The following HAVCR1 variants were observed in gnomAD, a reference collection of about 807,000 sequenced individuals.
The protein encoded by HAVCR1 is T cell immunoglobin domain and mucin domain protein 1.
A neutral mutation model predicts 32.0 loss-of-function variants in HAVCR1; 34 were observed. The observed-to-expected ratio is 1.06, with a 90% CI of 0.81 to 1.42. The LOEUF is 1.42. Among genes scored for constraint, HAVCR1 ranks in the 40% most tolerant of loss-of-function variants. The probability of loss-of-function intolerance (pLI) is 0.00; values close to 1 mark genes in which losing one functional copy is unlikely to be tolerated. For missense variants in HAVCR1, 420 were observed against 442.3 expected (o/e 0.95, Z 0.45); for synonymous variants, 178 against 170.3 (o/e 1.05, Z -0.35).
intron 5 of HAVCR1, among the ~76,000 whole-genome samples, chr5:157,043,590 C>A (rs932710754): frequency 2.0e-5 from 3 of 152,166 alleles, no homozygotes; most frequent in Non-Finnish European, 4.4e-5. Context: ...AATCCCTGAA[C>A]CTTGGAGGCA....
At chr5:157,045,910 T>C (rs1024751954) in intron 5 of HAVCR1, among the ~76,000 whole-genome samples, 3 of 152,166 alleles carry the variant, frequency 2.0e-5, no homozygotes, top group African/African-American at 4.8e-5. Flanking sequence ...TTCACTGACA[T>C]AGTATTTCGG....
At position 157,052,499 on chromosome 5, in the gene HAVCR1, G is replaced by C; in HGVS notation, c.535C>G (p.Leu179Val). ...TMSIPTTTTVLTTMTVSTTTS... is the reference protein window; with the variant it reads ...TMSIPTTTTVVTTMTVSTTTS... ...GTCGTTGAAACAGTCATTGTCGTCA[G>C]AACAGTCGTTGTCGTTGGAATGCTC... Residue 179 changes from leucine to valine, a missense_variant, in exon 4 of 9, where the codon CTG becomes GTG. Physicochemically the swap from Leu to Val is conservative, Grantham distance 32. Transcript: ENST00000523175. The C allele has an allele frequency of 1.9e-6, 3 of 1,600,870 alleles. No individual in the cohort carries two copies. Among genetic ancestry groups the C allele is most frequent in the Non-Finnish European group, 2.6e-6 (3 of 1,171,596 alleles).
intron 4 of HAVCR1, among the ~76,000 whole-genome samples, chr5:157,051,780 T>C (rs1755755041): frequency 6.6e-6 from 1 of 152,228 alleles, no homozygotes; most frequent in African/African-American, 2.4e-5. Flanking sequence ...GGCTTCTATC[T>C]GTGTAACTTT....
chr5:157,068,349 C>T, the HAVCR1 span, among the ~76,000 whole-genome samples: 2 of 151,924 alleles, frequency 1.3e-5, no homozygotes, highest in East Asian at 1.9e-4. Context: ...TTTGGGAGGC[C>T]GATGCAAGTG....
intron 5 of HAVCR1, among the ~76,000 whole-genome samples, chr5:157,045,298 A>G (rs1327261901): frequency 6.6e-6 from 1 of 152,196 alleles, no homozygotes; most frequent in Non-Finnish European, 1.5e-5. Context: ...ACTACTATAT[A>G]TATATTTCTA....
chr5:157,060,278 G>A (rs542064941), upstream of HAVCR1, among the ~76,000 whole-genome samples: 1 of 151,916 alleles, frequency 6.6e-6, no homozygotes, highest in Non-Finnish European at 1.5e-5. Flanking sequence ...CTGAAGCCCT[G>A]GTGGTCTGGC....
chr5:157,033,326 C>G (rs1447114328), intron 7 of HAVCR1, among the ~76,000 whole-genome samples: 4 of 152,048 alleles, frequency 2.6e-5, no homozygotes, highest in African/African-American at 9.7e-5. Context: ...CTCTCCTAAA[C>G]AAGGAAATAA....
chr5:157,032,284 C>T (rs1003448276), intron 8 of HAVCR1, among the ~76,000 whole-genome samples: 15 of 151,902 alleles, frequency 9.9e-5, no homozygotes, highest in African/African-American at 2.4e-4. Flanking sequence ...TTTGGGAGGC[C>T]GAGGCAGGCA....
chr5:157,061,269 A>G (rs1356476656), upstream of HAVCR1, among the ~76,000 whole-genome samples: 1 of 152,140 alleles, frequency 6.6e-6, no homozygotes, highest in African/African-American at 2.4e-5. Flanking sequence ...GTCTTCGGGG[A>G]GTTGAGATGG....
intron 7 of HAVCR1, among the ~76,000 whole-genome samples, chr5:157,034,910 G>A (rs964829790): frequency 1.3e-5 from 2 of 152,056 alleles, no homozygotes; most frequent in African/African-American, 4.8e-5. Context: ...TCTTAGTACA[G>A]AACAAACTGG....
intron 3 of HAVCR1, 117 bp from the exon 4 acceptor site, chr5:157,052,771 C>G: frequency 1.2e-6 from 1 of 852,404 alleles, no homozygotes; most frequent in Non-Finnish European, 1.9e-6. Flanking sequence ...AGTTAACTTC[C>G]TGAACTGTCA....
At chr5:157,050,410 G>T (rs929976766) in intron 4 of HAVCR1, among the ~76,000 whole-genome samples, 1 of 152,182 alleles carries the variant, frequency 6.6e-6, no homozygotes, top group Non-Finnish European at 1.5e-5. Flanking sequence ...GCAGCAAGCA[G>T]GTACTAGGGG....
chr5:157,041,183 T>C (rs2113530940), intron 6 of HAVCR1, among the ~76,000 whole-genome samples: 1 of 152,260 alleles, frequency 6.6e-6, no homozygotes, highest in East Asian at 1.9e-4. Flanking sequence ...AAAGTTATTA[T>C]CTAGGACTTT....
chr5:157,045,292 C>CTA (rs1329156291), intron 5 of HAVCR1, among the ~76,000 whole-genome samples: 2 of 151,976 alleles, frequency 1.3e-5, no homozygotes, highest in Non-Finnish European at 2.9e-5. Flanking sequence ...GGGAAAACTA[C>CTA]TATATATATA....
chr5:157,030,722 C>T (rs984422742), intron 8 of HAVCR1, among the ~76,000 whole-genome samples: 1 of 152,204 alleles, frequency 6.6e-6, no homozygotes, highest in Non-Finnish European at 1.5e-5. Context: ...TTACGTGTAG[C>T]ATTTTGATGT....
chr5:157,036,534 T>A (rs1385078935), intron 7 of HAVCR1, among the ~76,000 whole-genome samples: 1 of 152,120 alleles, frequency 6.6e-6, no homozygotes, highest in Non-Finnish European at 1.5e-5. Flanking sequence ...AATTGAAAAA[T>A]AACAAGTTTA....
chr5:157,053,707 T>TA (rs1755915280), intron 3 of HAVCR1, among the ~76,000 whole-genome samples: 2 of 151,000 alleles, frequency 1.3e-5, no homozygotes, highest in Non-Finnish European at 3.0e-5. Flanking sequence ...CCATCTTTAC[T>TA]AAAAATACAA....
At chr5:157,043,114 G>A (rs1163569844) in intron 5 of HAVCR1, among the ~76,000 whole-genome samples, 1 of 149,276 alleles carries the variant, frequency 6.7e-6, no homozygotes, top group Non-Finnish European at 1.5e-5. Flanking sequence ...TTTTCAGAAT[G>A]GACATCATAT....
At chr5:157,063,850 C>T (rs1446046088), upstream of HAVCR1, among the ~76,000 whole-genome samples, 1 of 152,120 alleles carries the variant, frequency 6.6e-6, no homozygotes, top group African/African-American at 2.4e-5. Context: ...AGGAAGTTAG[C>T]CAAGACAGCA....
Sources: allele counts gnomAD v4.1 joint callset (sites outside exome capture counted in the v4.1 genomes callset), GRCh38; gene constraint gnomAD v4.1.1; transcripts MANE v1.5; gene names NCBI Gene and HGNC (gene_info 2026-07-23, HGNC 2026-07-21).